The following PCMTD1 variants were observed in gnomAD, a reference collection of about 807,000 sequenced individuals.
The protein encoded by PCMTD1 is protein-L-isoaspartate O-methyltransferase domain-containing protein 1.
Under a neutral mutation model 37.6 loss-of-function variants are expected in PCMTD1, and 12 were observed. The observed-to-expected ratio is 0.32, with a 90% CI of 0.20 to 0.52. The LOEUF is 0.52. PCMTD1 is among the 20% of genes least tolerant of loss of function. The probability of loss-of-function intolerance (pLI) is 0.97; values close to 1 mark genes in which losing one functional copy is unlikely to be tolerated. For missense variants in PCMTD1, 235 were observed against 421.3 expected, an observed-to-expected ratio of 0.56 and a Z score of 3.87; for synonymous variants, 117 against 135.8, an observed-to-expected ratio of 0.86 and a Z score of 0.96.
intron 2 of PCMTD1, among the ~76,000 whole-genome samples, chr8:51,859,298 T>C (rs1362895466): frequency 6.6e-6 from 1 of 152,004 alleles, no homozygotes; most frequent in Non-Finnish European, 1.5e-5. Context: ...TTGCAGACTG[T>C]CTCAAACCCT....
chr8:51,898,365 A>T (rs1798785570), intron 1 of PCMTD1, among the ~76,000 whole-genome samples: 1 of 152,078 alleles, frequency 6.6e-6, no homozygotes, highest in South Asian at 2.1e-4. Context: ...ACGGTAGTAG[A>T]CGCTCAAAAA....
At chr8:51,822,505 G>A (rs1017663010) in intron 5 of PCMTD1, among the ~76,000 whole-genome samples, 4 of 152,330 alleles carry the variant, frequency 2.6e-5, no homozygotes, top group African/African-American at 7.2e-5. Context: ...CTTTGTGTTA[G>A]ATGTGAATTG....
intron 1 of PCMTD1, among the ~76,000 whole-genome samples, chr8:51,889,237 C>T (rs1472544315): frequency 6.6e-6 from 1 of 152,172 alleles, no homozygotes; most frequent in Non-Finnish European, 1.5e-5. Flanking sequence ...TGTTAACTGA[C>T]CTCATAATCT....
chr8:51,824,046 T>C (rs1563334225), intron 5 of PCMTD1, among the ~76,000 whole-genome samples: 1 of 152,160 alleles, frequency 6.6e-6, no homozygotes, highest in Non-Finnish European at 1.5e-5. Flanking sequence ...GGAACGTATC[T>C]CAAAATAATA....
At chr8:51,867,523 A>G (rs960810482) in intron 1 of PCMTD1, among the ~76,000 whole-genome samples, 1 of 146,910 alleles carries the variant, frequency 6.8e-6, no homozygotes, top group Admixed American at 6.8e-5. Context: ...GTGTGTGTAT[A>G]GGAATTTGAG....
intron 1 of PCMTD1, among the ~76,000 whole-genome samples, chr8:51,892,068 G>A (rs541879005): frequency 4.6e-5 from 7 of 152,232 alleles, no homozygotes; most frequent in South Asian, 2.1e-4. Flanking sequence ...CACAGATGAT[G>A]GGGGCCTGCT....
intron 3 of PCMTD1, among the ~76,000 whole-genome samples, chr8:51,837,448 G>GT (rs1363709614): frequency 2.0e-5 from 3 of 152,062 alleles, no homozygotes; most frequent in Admixed American, 1.3e-4. Flanking sequence ...ATCTTTAAAT[G>GT]TTAGCACTAA....
chr8:51,885,351 G>A (rs1413556611), intron 1 of PCMTD1, among the ~76,000 whole-genome samples: 1 of 152,178 alleles, frequency 6.6e-6, no homozygotes, highest in East Asian at 1.9e-4. Flanking sequence ...AATGATCAGA[G>A]AGGGGAAGTT....
intron 3 of PCMTD1, among the ~76,000 whole-genome samples, chr8:51,835,140 G>T (rs1585795028): frequency 6.6e-6 from 1 of 152,172 alleles, no homozygotes; most frequent in East Asian, 1.9e-4. Flanking sequence ...CAGGCAGACT[G>T]AATTACTTGC....
intron 1 of PCMTD1, among the ~76,000 whole-genome samples, chr8:51,890,114 TGA>T (rs2038917367): frequency 6.7e-5 from 3 of 45,046 alleles, no homozygotes; most frequent in Non-Finnish European, 4.1e-4. Context: ...ATCAACTGCA[TGA>T]ATGGTTATAT....
chr8:51,823,912 A>C (rs1195784819), intron 5 of PCMTD1, among the ~76,000 whole-genome samples: 1 of 152,192 alleles, frequency 6.6e-6, no homozygotes, highest in Non-Finnish European at 1.5e-5. Flanking sequence ...AATAAACGTA[A>C]TCCATCACAT....
At chr8:51,897,588 T>A (rs2039024771) in intron 1 of PCMTD1, among the ~76,000 whole-genome samples, 1 of 152,242 alleles carries the variant, frequency 6.6e-6, no homozygotes, top group Admixed American at 6.5e-5. Flanking sequence ...TAGCCTCATG[T>A]AAACTACCAT....
At chr8:51,822,754 G>A (rs773799157) in intron 5 of PCMTD1, among the ~76,000 whole-genome samples, 7 of 152,272 alleles carry the variant, frequency 4.6e-5, no homozygotes, top group South Asian at 4.1e-4. Context: ...TCAGCCCATC[G>A]TGACATGCAA....
In PCMTD1 at chr8:51,855,268, C is replaced by T. The variant is rs139184505; in HGVS notation, c.307+5577G>A. ...CAGAGCAAGGCATGGTGGCTCACAC[C>T]TGTAATCCCAGCACTTTGGGAGGCC... On this transcript the variant is annotated intron_variant, in intron 2 of 5. Transcript: ENST00000522514. Among the ~76,000 whole-genome samples the T allele has an allele frequency of 1.3e-3, 192 of 149,420 alleles. 3 individuals carry two copies. In the East Asian group the frequency reaches 0.025, roughly 19 times the overall value.
rs745460982 is a variant in PCMTD1, at chr8:51,820,561, G to A, written c.864C>T (p.Tyr288=). 26 of 1,612,182 alleles carry A rather than the reference G, an allele frequency of 1.6e-5. No homozygotes were observed. Among genetic ancestry groups the A allele is most frequent in the Admixed American group, 1.3e-4 (8 of 59,636 alleles). The change falls in exon 6 of 6, where the codon TAC becomes TAT. Residue 288 remains tyrosine, a synonymous_variant. Transcript: ENST00000522514. ...RKRVKQRINT[Y]VFVGNQLIPQ... ...GAATAAGCTGATTACCCACAAATACGTAAGTGTTAATTCTCTGTTTAACTC... is the reference window on the plus strand; with the variant it reads ...GAATAAGCTGATTACCCACAAATACATAAGTGTTAATTCTCTGTTTAACTC...
intron 5 of PCMTD1, among the ~76,000 whole-genome samples, chr8:51,830,106 C>T (rs909925204): frequency 6.6e-6 from 1 of 152,156 alleles, no homozygotes; most frequent in Admixed American, 6.5e-5. Flanking sequence ...ACCCTGGGGA[C>T]CTGACCCTAG....
intron 2 of PCMTD1, chr8:51,850,000 G>A (rs2038281411): frequency 1.4e-6 from 1 of 695,250 alleles, no homozygotes; most frequent in Non-Finnish European, 2.6e-6. Flanking sequence ...ATAGCCACAG[G>A]CAAAAAGTAC....
intron 5 of PCMTD1, among the ~76,000 whole-genome samples, chr8:51,821,523 A>C (rs967779895): frequency 1.1e-3 from 161 of 152,142 alleles, no homozygotes; most frequent in African/African-American, 3.8e-3. Context: ...ATTCATCATC[A>C]AGTAAGTATT....
intron 1 of PCMTD1, among the ~76,000 whole-genome samples, chr8:51,893,452 A>C (rs774647723): frequency 6.6e-6 from 1 of 152,202 alleles, no homozygotes; most frequent in African/African-American, 2.4e-5. Context: ...GAGCTTCCTG[A>C]TATCACCAAA....
Sources: gnomAD v4.1 joint callset for allele counts (sites outside exome capture counted in the v4.1 genomes callset) on GRCh38, gnomAD v4.1.1 for gene constraint, MANE v1.5 for transcripts, NCBI Gene and HGNC (gene_info 2026-07-23, HGNC 2026-07-21) for gene names.